STK39: variants seen among roughly 807,000 people sequenced by gnomAD.
The protein encoded by STK39 is serine/threonine kinase 39, also known as STE20/SPS1-related proline-alanine-rich protein kinase.
A neutral mutation model predicts 77.8 loss-of-function variants in STK39; 20 were observed. That is an observed-to-expected ratio of 0.26 (90% CI 0.18 to 0.37). STK39 has a LOEUF of 0.37. Ranked by LOEUF, STK39 falls within the 10% of genes least tolerant of loss-of-function variation. STK39 has a pLI of 1.00. For synonymous variants in STK39, 246 were observed against 234.1 expected (o/e 1.05, Z -0.47); for missense variants, 479 against 656.5 (o/e 0.73, Z 2.95).
At chr2:168,161,976 A>G (rs555776967) in intron 4 of STK39, 134 bp from the exon 5 acceptor site, 461 of 615,676 alleles carry the variant, frequency 7.5e-4, no homozygotes, top group Non-Finnish European at 1.1e-3. Flanking sequence ...TTAAGATAAT[A>G]GCACAGATTT....
At chr2:167,991,702 T>A (rs1683704251) in intron 16 of STK39, among the ~76,000 whole-genome samples, 1 of 152,226 alleles carries the variant, frequency 6.6e-6, no homozygotes, top group South Asian at 2.1e-4. Context: ...AGAGACTGAA[T>A]ATCAGCAGGA....
intron 3 of STK39, 105 bp from the exon 4 acceptor site, chr2:168,163,985 T>G: frequency 7.0e-7 from 1 of 1,431,614 alleles, no homozygotes; most frequent in Non-Finnish European, 9.3e-7. Context: ...AATATGGGCT[T>G]TATTTAATGC....
In STK39 at chr2:168,019,567, TA is replaced by T. The variant is rs1684520055; in HGVS notation, c.1377-2473del. Among the ~76,000 whole-genome samples, 3 of 152,332 alleles carry T rather than the reference TA, an allele frequency of 2.0e-5. No homozygotes were observed. The South Asian group carries it at 6.2e-4, about 32-fold the overall frequency. ...AAATTGTAGGTAACTACAGAGGATT[TA>T]GAAATCATGTTGGACCCCAGACTAA... On this transcript the variant is annotated intron_variant, in intron 14 of 17. Transcript: ENST00000355999.
At chr2:168,237,265 G>T (rs1295915862) in intron 1 of STK39, among the ~76,000 whole-genome samples, 1 of 152,138 alleles carries the variant, frequency 6.6e-6, no homozygotes, top group Non-Finnish European at 1.5e-5. Flanking sequence ...TGGTGTATAA[G>T]AATGCTTGTG....
intron 2 of STK39, among the ~76,000 whole-genome samples, chr2:168,179,068 CTA>C (rs79235273): frequency 0.16 from 23,906 of 151,910 alleles, 2,262 homozygotes; most frequent in African/African-American, 0.26. Flanking sequence ...ATTGTGATTT[CTA>C]TGACATAACA....
At position 168,112,302 on chromosome 2, in the gene STK39, T is replaced by A. The variant is rs116368943; in HGVS notation, c.1089+17239A>T. Among the ~76,000 whole-genome samples, 1,030 of 152,152 alleles carry A rather than the reference T, an allele frequency of 6.8e-3. 7 individuals carry two copies. The highest frequency in any genetic ancestry group is 0.023 in the African/African-American group (966 of 41,490). ...TAAGGTTCTTCAAAAACCCCTCATG[T>A]GGTTTGGCTCTGCAGCCCCACTCAA... is the stretch of plus-strand genomic sequence containing the variant. On this transcript the variant is annotated intron_variant, in intron 10 of 17. Transcript: ENST00000355999.
chr2:168,038,480 G>GA (rs1251490549), intron 14 of STK39, among the ~76,000 whole-genome samples: 2 of 148,552 alleles, frequency 1.3e-5, no homozygotes, highest in African/African-American at 2.5e-5. Flanking sequence ...GAAAACATAG[G>GA]AAAAAAACGA....
chr2:168,023,430 C>T (rs1299598307), intron 14 of STK39, among the ~76,000 whole-genome samples: 1 of 151,988 alleles, frequency 6.6e-6, no homozygotes. Flanking sequence ...CGAACGGACA[C>T]CCATCCCTTC....
intron 16 of STK39, among the ~76,000 whole-genome samples, chr2:167,978,388 A>G (rs76261096): frequency 0.037 from 5,576 of 152,216 alleles, 353 homozygotes; most frequent in African/African-American, 0.13. Flanking sequence ...TCCCAGGAAT[A>G]AGCAAGGACA....
chr2:168,087,355 T>C (rs1051485513), intron 10 of STK39, among the ~76,000 whole-genome samples: 2 of 152,236 alleles, frequency 1.3e-5, no homozygotes, highest in African/African-American at 2.4e-5. Context: ...TCAGGTTGAC[T>C]GTGCTAGTGC....
intron 16 of STK39, among the ~76,000 whole-genome samples, chr2:167,979,367 G>A (rs1008220833): frequency 6.6e-6 from 1 of 152,134 alleles, no homozygotes; most frequent in Non-Finnish European, 1.5e-5. Flanking sequence ...TTTAATTCAA[G>A]CCATTCTAAT....
intron 16 of STK39, among the ~76,000 whole-genome samples, chr2:167,989,258 G>A (rs1443316333): frequency 1.3e-5 from 2 of 152,096 alleles, no homozygotes; most frequent in Non-Finnish European, 2.9e-5. Flanking sequence ...GTGAATGAAG[G>A]GGTGAATAAT....
At chr2:168,118,290 T>C (rs766652461) in intron 10 of STK39, among the ~76,000 whole-genome samples, 5 of 152,170 alleles carry the variant, frequency 3.3e-5, no homozygotes, top group Non-Finnish European at 5.9e-5. Flanking sequence ...CATAATATGT[T>C]TGAAGACTAT....
chr2:167,963,535 A>AC (rs1559035596), intron 17 of STK39, among the ~76,000 whole-genome samples: 13 of 147,072 alleles, frequency 8.8e-5, no homozygotes, highest in East Asian at 2.1e-4. Context: ...AAAAAAAAAA[A>AC]AACACACACA....
intron 1 of STK39, among the ~76,000 whole-genome samples, chr2:168,191,822 T>C (rs2105652986): frequency 6.6e-6 from 1 of 152,254 alleles, no homozygotes. Context: ...CAACAGGTGC[T>C]AGAGAATGGA....
chr2:167,999,087 T>C (rs970373499), intron 16 of STK39, among the ~76,000 whole-genome samples: 10 of 152,206 alleles, frequency 6.6e-5, no homozygotes, highest in Non-Finnish European at 1.5e-4. Flanking sequence ...ATCTGGCCCC[T>C]GCCCCCTCCC....
intron 1 of STK39, among the ~76,000 whole-genome samples, chr2:168,195,077 G>C (rs1308118394): frequency 2.0e-5 from 3 of 152,152 alleles, no homozygotes; most frequent in African/African-American, 7.2e-5. Context: ...CATTTTCACA[G>C]ATGAACTTTA....
At chr2:168,025,477 G>A (rs966442310) in intron 14 of STK39, among the ~76,000 whole-genome samples, 2 of 152,156 alleles carry the variant, frequency 1.3e-5, no homozygotes, top group African/African-American at 4.8e-5. Context: ...TACTGACCAA[G>A]GTCAGGCCAC....
At chr2:168,019,860 C>A (rs978528439) in intron 14 of STK39, among the ~76,000 whole-genome samples, 1 of 152,098 alleles carries the variant, frequency 6.6e-6, no homozygotes, top group African/African-American at 2.4e-5. Flanking sequence ...TGTGCTACCA[C>A]GCCCAGCTAA....
Sources: allele counts gnomAD v4.1 joint callset (sites outside exome capture counted in the v4.1 genomes callset), GRCh38; gene constraint gnomAD v4.1.1; transcripts MANE v1.5; gene names NCBI Gene and HGNC (gene_info 2026-07-23, HGNC 2026-07-21).